EEIG2: variants seen among roughly 807,000 people sequenced by gnomAD.
EEIG2 encodes EEIG family member 2.
chr1:108,562,682 A>G, the EEIG2 span, among the ~76,000 whole-genome samples: 1 of 152,150 alleles, frequency 6.6e-6, no homozygotes. Context: ...ATTTAGTGAG[A>G]TGATGTGCCC....
At chr1:108,581,336 T>C in the EEIG2 span, among the ~76,000 whole-genome samples, 3 of 152,234 alleles carry the variant, frequency 2.0e-5, no homozygotes, top group African/African-American at 7.2e-5. Context: ...CAACATTCAT[T>C]CTGCAGCTTG....
At chr1:108,631,754 A>G in the EEIG2 span, among the ~76,000 whole-genome samples, 1 of 152,180 alleles carries the variant, frequency 6.6e-6, no homozygotes, top group Non-Finnish European at 1.5e-5. Flanking sequence ...ATGTAGTAGT[A>G]TCTTTCAGTG....
chr1:108,594,457 GTTC>G, the EEIG2 span, among the ~76,000 whole-genome samples: 1 of 152,174 alleles, frequency 6.6e-6, no homozygotes. Flanking sequence ...TGTAGAGACA[GTTC>G]TTCAAATTTC....
At chr1:108,628,211 T>C in the EEIG2 span, 1 of 1,614,156 alleles carries the variant, frequency 6.2e-7, no homozygotes, top group Admixed American at 1.7e-5. Flanking sequence ...ACTTGGTGCC[T>C]GTGGACATTC....
chr1:108,637,487 G>GA, the EEIG2 span: 1 of 151,820 alleles, frequency 6.6e-6, no homozygotes, highest in African/African-American at 2.4e-5. Flanking sequence ...TATAGCTGTT[G>GA]AAAAAATCTG....
the EEIG2 span, chr1:108,629,577 G>A: frequency 4.4e-6 from 7 of 1,589,376 alleles, no homozygotes; most frequent in Admixed American, 1.7e-5. Context: ...CATTTTAAAT[G>A]TGTATTGCAG....
the EEIG2 span, among the ~76,000 whole-genome samples, chr1:108,569,852 C>T: frequency 1.3e-5 from 2 of 152,162 alleles, no homozygotes; most frequent in African/African-American, 4.8e-5. Context: ...GTTATCTTCT[C>T]AGTTTTATAC....
the EEIG2 span, chr1:108,635,065 C>T: frequency 6.2e-7 from 1 of 1,611,268 alleles, no homozygotes; most frequent in Non-Finnish European, 8.5e-7. Context: ...GTTTCAAACA[C>T]TGCAGCTCAA....
the EEIG2 span, among the ~76,000 whole-genome samples, chr1:108,618,566 A>ATCAACTTCATGTTTT: frequency 1.3e-5 from 2 of 152,194 alleles, no homozygotes; most frequent in Non-Finnish European, 1.5e-5. Context: ...CTCCCTATGT[A>ATCAACTTCATGTTTT]TCAACTTCAT....
chr1:108,574,721 G>T, the EEIG2 span, among the ~76,000 whole-genome samples: 2 of 152,234 alleles, frequency 1.3e-5, no homozygotes, highest in Admixed American at 1.3e-4. Context: ...TTGCACTCCA[G>T]CCTGGATGCC....
chr1:108,564,808 G>A, the EEIG2 span, among the ~76,000 whole-genome samples: 1 of 152,020 alleles, frequency 6.6e-6, no homozygotes. Flanking sequence ...TTAGCTAGAT[G>A]TGGTGGTGGG....
the EEIG2 span, chr1:108,628,069 A>G: frequency 1.0e-6 from 1 of 993,580 alleles, no homozygotes; most frequent in Non-Finnish European, 1.6e-6. Flanking sequence ...TGTTTTGATA[A>G]TGAACTTGGC....
chr1:108,565,178 G>A, the EEIG2 span, among the ~76,000 whole-genome samples: 2 of 152,132 alleles, frequency 1.3e-5, no homozygotes, highest in Non-Finnish European at 2.9e-5. Context: ...TTCAACTGAG[G>A]CTAAATTGTT....
chr1:108,598,719 T>C, the EEIG2 span, among the ~76,000 whole-genome samples: 1 of 152,216 alleles, frequency 6.6e-6, no homozygotes, highest in African/African-American at 2.4e-5. Flanking sequence ...TGTGTCTGTT[T>C]AGAACATAAA....
At chr1:108,633,058 T>A in the EEIG2 span, among the ~76,000 whole-genome samples, 1 of 151,180 alleles carries the variant, frequency 6.6e-6, no homozygotes, top group Non-Finnish European at 1.5e-5. Flanking sequence ...GTGCTGAGAT[T>A]ACAGGCATGA....
chr1:108,581,887 A>C, the EEIG2 span, among the ~76,000 whole-genome samples: 1 of 152,196 alleles, frequency 6.6e-6, no homozygotes, highest in Non-Finnish European at 1.5e-5. Context: ...AAGAACTTCT[A>C]CTGTGAGTAA....
At chr1:108,611,290 T>C in the EEIG2 span, among the ~76,000 whole-genome samples, 27 of 152,346 alleles carry the variant, frequency 1.8e-4, no homozygotes, top group African/African-American at 5.5e-4. Flanking sequence ...ACTCAATTCA[T>C]TTTTTGTTAA....
chr1:108,610,657 G>A, the EEIG2 span, among the ~76,000 whole-genome samples: 3 of 152,010 alleles, frequency 2.0e-5, no homozygotes, highest in Non-Finnish European at 2.9e-5. Context: ...ACAGCTGGGC[G>A]CGGTGGCTCA....
At chr1:108,606,916 G>A in the EEIG2 span, among the ~76,000 whole-genome samples, 2 of 152,032 alleles carry the variant, frequency 1.3e-5, no homozygotes, top group Admixed American at 6.6e-5. Context: ...TCCTGCCTTG[G>A]CCTCCCAAAG....
Sources: gnomAD v4.1 joint callset for allele counts (sites outside exome capture counted in the v4.1 genomes callset) on GRCh38, gnomAD v4.1.1 for gene constraint, MANE v1.5 for transcripts, NCBI Gene and HGNC (gene_info 2026-07-23, HGNC 2026-07-21) for gene names.